Variants in CFAP20DC observed in about 807,000 individuals in gnomAD.
CFAP20DC encodes the protein CFAP20 domain containing.
In CFAP20DC, 84 loss-of-function variants were observed where a neutral mutation model predicts 101.7. The observed-to-expected ratio is 0.83, with a 90% confidence interval of 0.69 to 0.99. The LOEUF (loss-of-function observed/expected upper bound fraction) is 0.99, where lower values mean the gene tolerates loss of function less well. Ranked by LOEUF, CFAP20DC falls within the 50% of genes least tolerant of loss-of-function variation. The probability of loss-of-function intolerance (pLI) is 0.00; values close to 1 mark genes in which losing one functional copy is unlikely to be tolerated. For missense variants in CFAP20DC, 1,007 were observed against 970.3 expected (o/e 1.04, Z -0.50); for synonymous variants, 359 against 351.2 (o/e 1.02, Z -0.25).
At chr3:58,938,624 T>C (rs1325684423) in intron 4 of CFAP20DC, among the ~76,000 whole-genome samples, 1 of 152,214 alleles carries the variant, frequency 6.6e-6, no homozygotes, top group African/African-American at 2.4e-5. Context: ...CAACATCTCA[T>C]TCAAACGCAT....
Position 58,912,796 on chromosome 3 carries a change from GTC to G in CFAP20DC, c.550+910_550+911del. The G allele has an allele frequency of 2.2e-6, 1 of 448,544 alleles. No individual in the cohort carries two copies. Among genetic ancestry groups the G allele is most frequent in the Middle Eastern group, 3.4e-4 (1 of 2,936 alleles). 27.8% of individuals were successfully genotyped at this position (448,544 alleles called of 1,614,324 possible). A position where few individuals can be genotyped will look rare whatever the true frequency, so the allele number is the denominator to read the frequency against. The stretch of plus-strand genomic sequence containing the variant: ...TGAACAATTAATGTAAATATTTCTA[GTC>G]TCTCTAGAAATATGAGGAAGAACTC... On this transcript the variant is annotated intron_variant, in intron 6 of 16. Coordinates refer to ENST00000482387, the MANE Select transcript of CFAP20DC (RefSeq NM_001394063.1). The surrounding 1 kb of genome is among the most constrained non-coding windows in gnomAD (Gnocchi z 4.4).
intron 4 of CFAP20DC, among the ~76,000 whole-genome samples, chr3:58,975,710 G>A (rs2092239954): frequency 6.6e-6 from 1 of 152,004 alleles, no homozygotes; most frequent in African/African-American, 2.4e-5. Flanking sequence ...TTCTTTTACT[G>A]CTTTTTCTAT....
chr3:59,008,256 A>G (rs1454711128), intron 4 of CFAP20DC, among the ~76,000 whole-genome samples: 1 of 152,136 alleles, frequency 6.6e-6, no homozygotes, highest in Non-Finnish European at 1.5e-5. Flanking sequence ...CAAGGACAGG[A>G]GCGAGGCTGT....
chr3:58,975,428 T>C (rs892678580), intron 4 of CFAP20DC, among the ~76,000 whole-genome samples: 1 of 152,212 alleles, frequency 6.6e-6, no homozygotes, highest in Admixed American at 6.5e-5. Context: ...CCAAATTATA[T>C]AGCAAAATCA....
chr3:58,903,086 C>T (rs1277087468), intron 6 of CFAP20DC, among the ~76,000 whole-genome samples: 1 of 152,064 alleles, frequency 6.6e-6, no homozygotes, highest in Non-Finnish European at 1.5e-5. Context: ...CAAATATTTT[C>T]TCACATGCTG....
intron 14 of CFAP20DC, among the ~76,000 whole-genome samples, chr3:58,811,295 C>T (rs922506027): frequency 6.6e-6 from 1 of 152,164 alleles, no homozygotes; most frequent in East Asian, 1.9e-4. Context: ...CGTTACCTGA[C>T]TGCAAAGTAT....
intron 4 of CFAP20DC, among the ~76,000 whole-genome samples, chr3:58,944,980 T>C (rs1163450980): frequency 6.6e-6 from 1 of 152,220 alleles, no homozygotes; most frequent in African/African-American, 2.4e-5. Context: ...GTAAGATGCA[T>C]ACATTTTCCA....
intron 5 of CFAP20DC, among the ~76,000 whole-genome samples, chr3:58,926,824 G>C (rs984545646): frequency 3.9e-5 from 6 of 152,178 alleles, no homozygotes; most frequent in Admixed American, 3.3e-4. Flanking sequence ...GTTACTAAAA[G>C]ACTCTGGCAT....
intron 12 of CFAP20DC, among the ~76,000 whole-genome samples, chr3:58,860,212 A>C (rs1445591963): frequency 2.6e-5 from 4 of 151,922 alleles, no homozygotes; most frequent in Non-Finnish European, 5.9e-5. Flanking sequence ...AAAAGAAAAA[A>C]AAATCATTAC....
chr3:58,893,844 C>G lies in CFAP20DC; in HGVS notation c.551-9135G>C, dbSNP rs143136377. On this transcript the variant is annotated intron_variant, in intron 6 of 16. Transcript: ENST00000482387. Reference sequence around the variant, plus strand: ...TTTCATGCTGCTGATAAAGACATACCTGAGACTGGGCAATTTATAAAAGAA... The same window carrying G: ...TTTCATGCTGCTGATAAAGACATACGTGAGACTGGGCAATTTATAAAAGAA... Among the ~76,000 whole-genome samples, 633 of 151,908 alleles carry G rather than the reference C, an allele frequency of 4.2e-3. 3 individuals are homozygous for G. The highest frequency in any genetic ancestry group is 0.015 in the African/African-American group (611 of 41,394).
At chr3:58,839,281 TC>T (rs1368920016) in intron 13 of CFAP20DC, among the ~76,000 whole-genome samples, 1 of 152,196 alleles carries the variant, frequency 6.6e-6, no homozygotes, top group Non-Finnish European at 1.5e-5. Context: ...GGCTTTTCTG[TC>T]CCTAACTCCT....
At chr3:59,026,518 G>A (rs2093895974) in intron 4 of CFAP20DC, among the ~76,000 whole-genome samples, 1 of 152,174 alleles carries the variant, frequency 6.6e-6, no homozygotes, top group South Asian at 2.1e-4. Context: ...AGGAAGAGTT[G>A]TGCATAGTTA....
intron 4 of CFAP20DC, 59 bp downstream of exon 4, chr3:59,039,498 T>C (rs947084556): frequency 1.9e-6 from 2 of 1,031,250 alleles, no homozygotes; most frequent in African/African-American, 1.6e-5. Context: ...TTGGTACTGC[T>C]TCAATTGATC....
In CFAP20DC at chr3:58,884,595, C is replaced by T. The variant is rs116534917; in HGVS notation, c.665G>A (p.Arg222His). The change falls in exon 7 of 17, where the codon CGC becomes CAC. Residue 222 changes from arginine (R) to histidine (H), a missense_variant. Arg to His is a conservative substitution (Grantham distance 29). Coordinates refer to ENST00000482387, the MANE Select transcript of CFAP20DC (RefSeq NM_001394063.1). ...GCCTCCGAATTTTATTTCAGTTTGG[C>T]GAAGTTTAGTCATGTTTAGCAGCTG... ...VTQLLNMTKL[R>H]QTEIKFGGHP... 17,612 of 1,613,784 alleles carry T rather than the reference C, an allele frequency of 0.011. 131 individuals are homozygous for T. Among genetic ancestry groups the T allele is most frequent in the Non-Finnish European group, 0.013 (15,077 of 1,179,802 alleles).
chr3:58,846,391 T>A (rs1206806182), intron 13 of CFAP20DC, among the ~76,000 whole-genome samples: 1 of 151,720 alleles, frequency 6.6e-6, no homozygotes, highest in Non-Finnish European at 1.5e-5. Flanking sequence ...GAGAGCCAAA[T>A]CATGAGTGAA....
In CFAP20DC at chr3:58,861,741, G is replaced by C. The variant is rs569214301; in HGVS notation, c.1593+1817C>G. 1.0e-6 allele frequency: 1 copy of C among 985,422 alleles called. No individual in the cohort carries two copies. The highest frequency in any genetic ancestry group is 1.2e-6 in the Non-Finnish European group (1 of 829,948). 61.0% of individuals were successfully genotyped at this position (985,422 alleles called of 1,614,324 possible). On this transcript the variant is annotated intron_variant, in intron 12 of 16. Transcript: ENST00000482387. This position sits in a 1 kb window ranked among gnomAD's most constrained non-coding sequence, Gnocchi z 4.0. ...CCACTCTTAGTAGGCTCTGATTAAA[G>C]GGTGGTGAGTGCCAGTGTTGGCAAT... is the stretch of plus-strand genomic sequence containing the variant.
At chr3:58,923,017 C>T (rs964310397) in intron 5 of CFAP20DC, among the ~76,000 whole-genome samples, 1 of 151,990 alleles carries the variant, frequency 6.6e-6, no homozygotes, top group African/African-American at 2.4e-5. Context: ...CATCATTCTC[C>T]GATCTCAGTC....
chr3:58,833,397 A>G (rs1327241541), intron 13 of CFAP20DC, among the ~76,000 whole-genome samples: 1 of 152,206 alleles, frequency 6.6e-6, no homozygotes, highest in African/African-American at 2.4e-5. Context: ...CCAATGAAAA[A>G]TGCAAAAATA....
intron 14 of CFAP20DC, among the ~76,000 whole-genome samples, chr3:58,823,070 C>T (rs975804688): frequency 6.6e-6 from 1 of 152,122 alleles, no homozygotes; most frequent in Non-Finnish European, 1.5e-5. Context: ...TTCCTCTCTT[C>T]ATCAAACCTG....
Sources: gnomAD v4.1 joint callset for allele counts (sites outside exome capture counted in the v4.1 genomes callset) on GRCh38, gnomAD v4.1.1 for gene constraint, Gnocchi (gnomAD v3.1) non-coding constraint, MANE v1.5 for transcripts, NCBI Gene and HGNC (gene_info 2026-07-23, HGNC 2026-07-21) for gene names.